The following PSMD12 variants were observed in gnomAD, a reference collection of about 807,000 sequenced individuals.
The protein encoded by PSMD12 is proteasome 26S subunit, non-ATPase 12, also known as 26S proteasome non-ATPase regulatory subunit 12.
In PSMD12, 8 loss-of-function variants were observed where a neutral mutation model predicts 62.9. The ratio of observed to expected loss-of-function variants is 0.13; its 90% CI spans 0.07 to 0.23. The LOEUF (loss-of-function observed/expected upper bound fraction) is 0.23, where lower values mean the gene tolerates loss of function less well. Among genes scored for constraint, PSMD12 ranks in the 10% least tolerant of loss-of-function variants. PSMD12 has a pLI of 1.00. For synonymous variants in PSMD12, 173 were observed against 187.4 expected (o/e 0.92, Z 0.63); for missense variants, 424 against 550.2 (o/e 0.77, Z 2.29).
chr17:67,351,081 T>G (rs966987863), intron 3 of PSMD12, among the ~76,000 whole-genome samples: 67 of 152,052 alleles, frequency 4.4e-4, no homozygotes, highest in Admixed American at 1.9e-3. Flanking sequence ...TTAAGCAATA[T>G]ATGATAATCA....
intron 3 of PSMD12, among the ~76,000 whole-genome samples, chr17:67,353,201 G>C (rs950841986): frequency 3.9e-5 from 6 of 152,194 alleles, no homozygotes; most frequent in African/African-American, 1.2e-4. Context: ...GGAAGTTACA[G>C]TTGGAGTGAC....
At chr17:67,364,775 C>T (rs1243461601) in intron 1 of PSMD12, among the ~76,000 whole-genome samples, 3 of 152,172 alleles carry the variant, frequency 2.0e-5, no homozygotes, top group Non-Finnish European at 4.4e-5. Flanking sequence ...ATTCATCTTC[C>T]TGGTTTCTCC....
intron 1 of PSMD12, among the ~76,000 whole-genome samples, chr17:67,365,507 G>A (rs1168035884): frequency 1.3e-5 from 2 of 152,170 alleles, no homozygotes; most frequent in African/African-American, 4.8e-5. Flanking sequence ...TATCTGTCTG[G>A]CATTGGAGGC....
intron 4 of PSMD12, among the ~76,000 whole-genome samples, chr17:67,349,836 T>C (rs2042001267): frequency 6.6e-6 from 1 of 152,224 alleles, no homozygotes; most frequent in Non-Finnish European, 1.5e-5. Context: ...CTATTTTCAA[T>C]AATATCAAAC....
At chr17:67,353,720 T>G (rs978738175) in intron 3 of PSMD12, among the ~76,000 whole-genome samples, 1 of 152,230 alleles carries the variant, frequency 6.6e-6, no homozygotes, top group Non-Finnish European at 1.5e-5. Context: ...GAGACATTTA[T>G]GTTTCCTAAG....
chr17:67,344,487 T>A, intron 9 of PSMD12, 119 bp downstream of exon 9: 1 of 951,866 alleles, frequency 1.1e-6, no homozygotes, highest in South Asian at 2.0e-5. Context: ...AAATGAACAT[T>A]TGGTTATCAA....
chr17:67,349,107 C>A (rs2041995434), intron 4 of PSMD12, among the ~76,000 whole-genome samples: 1 of 152,186 alleles, frequency 6.6e-6, no homozygotes, highest in Admixed American at 6.5e-5. Flanking sequence ...ACAACCTCTA[C>A]CTCCCGGGTT....
At chr17:67,343,424 A>G (rs548747764) in intron 9 of PSMD12, among the ~76,000 whole-genome samples, 3 of 152,088 alleles carry the variant, frequency 2.0e-5, no homozygotes, top group African/African-American at 7.2e-5. Flanking sequence ...CTAGTCTCCT[A>G]TCTCTCCAAA....
intron 1 of PSMD12, among the ~76,000 whole-genome samples, chr17:67,366,184 G>A (rs1320126503): frequency 2.0e-5 from 3 of 152,222 alleles, no homozygotes; most frequent in Admixed American, 2.0e-4. Context: ...GTCCCACGGA[G>A]GGAAGTGACC....
chr17:67,355,867 C>A (rs1003377103), intron 3 of PSMD12, among the ~76,000 whole-genome samples: 7 of 151,950 alleles, frequency 4.6e-5, no homozygotes, highest in Admixed American at 1.3e-4. Context: ...GTGGCTCATG[C>A]CTGTAATCCC....
At chr17:67,346,592 A>G (rs1179703072) in intron 7 of PSMD12, among the ~76,000 whole-genome samples, 1 of 151,936 alleles carries the variant, frequency 6.6e-6, no homozygotes, top group African/African-American at 2.4e-5. Context: ...AAATAAACAA[A>G]CAAAAAAAAG....
At chr17:67,360,445 T>A (rs952294547) in intron 1 of PSMD12, among the ~76,000 whole-genome samples, 3 of 152,218 alleles carry the variant, frequency 2.0e-5, no homozygotes, top group Admixed American at 1.3e-4. Context: ...CCTCTTCCTT[T>A]CATACTCAAC....
chr17:67,341,457 G>A lies in PSMD12; in HGVS notation c.1162-405C>T, dbSNP rs116998563. 9.2e-3 allele frequency among the ~76,000 whole-genome samples: 993 copies of A among 107,850 alleles called. 10 individuals carry two copies. The highest frequency in any genetic ancestry group is 0.013 in the Non-Finnish European group (783 of 59,030). 70.8% of individuals were successfully genotyped at this position (107,850 alleles called of 152,430 possible). On this transcript the variant is annotated intron_variant, in intron 10 of 10. Coordinates refer to ENST00000356126, the MANE Select transcript of PSMD12 (RefSeq NM_002816.5). The stretch of plus-strand genomic sequence containing the variant: ...TGCACTCCCACCTGGGCGACAAGGT[G>A]AGACTCTGCCTCAAAAAAAAAAAAA...
intron 3 of PSMD12, among the ~76,000 whole-genome samples, chr17:67,353,548 C>T (rs2042038711): frequency 1.3e-5 from 2 of 152,152 alleles, no homozygotes; most frequent in Non-Finnish European, 2.9e-5. Context: ...CTCAGGAAAT[C>T]CGCCTGCCTC....
intron 1 of PSMD12, among the ~76,000 whole-genome samples, chr17:67,359,655 C>T (rs2042111392): frequency 6.6e-6 from 1 of 152,134 alleles, no homozygotes; most frequent in Admixed American, 6.6e-5. Context: ...ATGAATCTTC[C>T]ATGCGGCACA....
chr17:67,360,970 T>G (rs1355565355), intron 1 of PSMD12: 1 of 152,224 alleles, frequency 6.6e-6, no homozygotes, highest in African/African-American at 2.4e-5. Context: ...TCTTCCACAT[T>G]CTACCCTATG....
At chr17:67,357,145 G>T in intron 3 of PSMD12, 158 bp downstream of exon 3, 1 of 742,256 alleles carries the variant, frequency 1.3e-6, no homozygotes, top group Non-Finnish European at 2.0e-6. Context: ...ACAGAAAACA[G>T]TCATATCATT....
In PSMD12 at chr17:67,360,411, C is replaced by T. The variant is rs141365113; in HGVS notation, c.109-2833G>A. On this transcript the variant is annotated intron_variant, in intron 1 of 10. Transcript: ENST00000356126. ...CAAAGGCATTTTTGGATAACACTCT[C>T]TAAAAATCAGTAGTCACTTAGTACC... 6.8e-3 allele frequency among the ~76,000 whole-genome samples: 1,034 copies of T among 152,332 alleles called. 6 individuals are homozygous for T. Among genetic ancestry groups the T allele is most frequent in the Non-Finnish European group, 0.012 (842 of 68,024 alleles).
intron 1 of PSMD12, among the ~76,000 whole-genome samples, chr17:67,364,290 T>G (rs1264336443): frequency 6.6e-6 from 1 of 152,206 alleles, no homozygotes; most frequent in East Asian, 1.9e-4. Flanking sequence ...CATTCTTTTT[T>G]TTAAACACTT....
Sources: allele counts gnomAD v4.1 joint callset (sites outside exome capture counted in the v4.1 genomes callset), GRCh38; gene constraint gnomAD v4.1.1; transcripts MANE v1.5; gene names NCBI Gene and HGNC (gene_info 2026-07-23, HGNC 2026-07-21).